CNBD1: variants seen among roughly 807,000 people sequenced by gnomAD.
CNBD1 encodes the protein cyclic nucleotide binding domain containing 1.
A neutral mutation model predicts 54.4 loss-of-function variants in CNBD1; 71 were observed. That is an observed-to-expected ratio of 1.30 (90% confidence interval 1.08 to 1.59). CNBD1 has a LOEUF of 1.59. Ranked by LOEUF, CNBD1 falls within the 40% of genes most tolerant of loss-of-function variation. The pLI is 0.00. For missense variants in CNBD1, 659 were observed against 518.0 expected (o/e 1.27, Z -2.64); for synonymous variants, 182 against 170.7 (o/e 1.07, Z -0.51).
intron 4 of CNBD1, among the ~76,000 whole-genome samples, chr8:87,049,609 C>A (rs1810271893): frequency 6.6e-6 from 1 of 152,140 alleles, no homozygotes; most frequent in South Asian, 2.1e-4. Context: ...TCTCTGAGAT[C>A]CTCCCTGGCT....
chr8:87,176,552 C>T (rs1367853), intron 4 of CNBD1, among the ~76,000 whole-genome samples: 2,724 of 149,404 alleles, frequency 0.018, 75 homozygotes, highest in African/African-American at 0.063. Flanking sequence ...GGCACAATCT[C>T]GGCTCACTGC....
chr8:86,976,784 C>T (rs1808351945), intron 4 of CNBD1, among the ~76,000 whole-genome samples: 1 of 151,734 alleles, frequency 6.6e-6, no homozygotes, highest in Non-Finnish European at 1.5e-5. Context: ...ATTTTATTTT[C>T]TGATGCTTTT....
At chr8:87,308,079 C>T (rs2130888275) in intron 8 of CNBD1, among the ~76,000 whole-genome samples, 1 of 152,180 alleles carries the variant, frequency 6.6e-6, no homozygotes, top group East Asian at 1.9e-4. Context: ...CAACAAGCGA[C>T]ATTATCTTTA....
intron 4 of CNBD1, among the ~76,000 whole-genome samples, chr8:87,094,280 A>C (rs1811274582): frequency 6.6e-6 from 1 of 152,086 alleles, no homozygotes; most frequent in African/African-American, 2.4e-5. Flanking sequence ...CTATTGGCAT[A>C]GCTTGGGCCC....
chr8:86,969,899 C>T (rs1268974542), intron 4 of CNBD1, among the ~76,000 whole-genome samples: 1 of 151,634 alleles, frequency 6.6e-6, no homozygotes, highest in Non-Finnish European at 1.5e-5. Flanking sequence ...TCATTTTTAA[C>T]TTAGATTTAC....
intron 4 of CNBD1, among the ~76,000 whole-genome samples, chr8:87,001,655 T>C (rs1586190884): frequency 6.6e-6 from 1 of 152,166 alleles, no homozygotes; most frequent in East Asian, 1.9e-4. Context: ...ATCACTCATT[T>C]TTTCACTTTT....
intron 3 of CNBD1, among the ~76,000 whole-genome samples, chr8:86,928,063 G>C (rs1015868406): frequency 1.3e-5 from 2 of 152,092 alleles, no homozygotes; most frequent in Admixed American, 6.6e-5. Flanking sequence ...GTAATCCATA[G>C]ATGGGGAGGT....
chr8:87,013,611 C>T (rs1407549595), intron 4 of CNBD1, among the ~76,000 whole-genome samples: 6 of 143,530 alleles, frequency 4.2e-5, no homozygotes, highest in African/African-American at 7.7e-5. Flanking sequence ...GTTTTTTTTT[C>T]TTTGTTTTGT....
intron 4 of CNBD1, among the ~76,000 whole-genome samples, chr8:87,104,738 T>C (rs1456323777): frequency 6.6e-6 from 1 of 152,246 alleles, no homozygotes; most frequent in African/African-American, 2.4e-5. Flanking sequence ...TTTCTTTGTA[T>C]ATATTTATAT....
At chr8:86,964,847 A>G (rs1322704925) in intron 4 of CNBD1, among the ~76,000 whole-genome samples, 1 of 152,174 alleles carries the variant, frequency 6.6e-6, no homozygotes, top group Non-Finnish European at 1.5e-5. Context: ...GGCTGAATCA[A>G]TCCCACAACG....
intron 4 of CNBD1, among the ~76,000 whole-genome samples, chr8:87,065,889 A>G (rs887324734): frequency 2.0e-5 from 3 of 151,956 alleles, no homozygotes; most frequent in Non-Finnish European, 4.4e-5. Flanking sequence ...CTTAACCTAT[A>G]TGTGATACTT....
intron 6 of CNBD1, among the ~76,000 whole-genome samples, chr8:87,283,367 G>A (rs1278343079): frequency 1.3e-5 from 2 of 151,770 alleles, no homozygotes; most frequent in African/African-American, 4.8e-5. Flanking sequence ...CCTTTATAGG[G>A]TTTTATTCAT....
At chr8:87,077,517 C>T (rs1322771922) in intron 4 of CNBD1, among the ~76,000 whole-genome samples, 1 of 147,800 alleles carries the variant, frequency 6.8e-6, no homozygotes, top group Non-Finnish European at 1.5e-5. Context: ...CCCATTAACT[C>T]GTCATTTACA....
intron 2 of CNBD1, among the ~76,000 whole-genome samples, chr8:87,426,107 T>C (rs1462881198): frequency 2.0e-5 from 3 of 152,208 alleles, no homozygotes. Flanking sequence ...ACCCCTTTCT[T>C]TGACTAGGAA....
At chr8:87,007,983 TAACAAATTA>T (rs1458892959) in intron 4 of CNBD1, among the ~76,000 whole-genome samples, 3 of 152,190 alleles carry the variant, frequency 2.0e-5, no homozygotes, top group Non-Finnish European at 2.9e-5. Context: ...GAACTAGTCC[TAACAAATTA>T]ATATTTTTGT....
chr8:87,163,079 T>C lies in CNBD1; in HGVS notation c.432-42914T>C, dbSNP rs1812890372. Among the ~76,000 whole-genome samples, 1 of 152,082 alleles carries C rather than the reference T, an allele frequency of 6.6e-6. No homozygotes were observed. The highest frequency in any genetic ancestry group is 2.1e-4 in the South Asian group (1 of 4,834). The stretch of plus-strand genomic sequence containing the variant: ...GAGCAGCCTTCACCACATACCAAAG[T>C]ACACAGTCTTAGGTATTAATATTTT... On this transcript the variant is annotated intron_variant, in intron 4 of 10. Coordinates refer to ENST00000518476, the MANE Select transcript of CNBD1 (RefSeq NM_173538.3). The surrounding 1 kb of genome is among the most constrained non-coding windows in gnomAD (Gnocchi z 4.5).
chr8:87,331,327 C>T (rs1456283927), intron 8 of CNBD1, among the ~76,000 whole-genome samples: 1 of 152,122 alleles, frequency 6.6e-6, no homozygotes, highest in Non-Finnish European at 1.5e-5. Flanking sequence ...GTTTTCTGTA[C>T]TTGTGTGAGT....
At chr8:87,314,925 G>A (rs1398486267) in intron 8 of CNBD1, among the ~76,000 whole-genome samples, 1 of 152,024 alleles carries the variant, frequency 6.6e-6, no homozygotes, top group Non-Finnish European at 1.5e-5. Flanking sequence ...ATGCTTTGCT[G>A]CAAAGATGTC....
chr8:87,422,473 G>A (rs1164572877), intron 2 of CNBD1, among the ~76,000 whole-genome samples: 2 of 151,464 alleles, frequency 1.3e-5, no homozygotes, highest in Non-Finnish European at 2.9e-5. Flanking sequence ...AAGGGATTCA[G>A]TTTCAGCTTT....
Sources: allele counts gnomAD v4.1 joint callset (sites outside exome capture counted in the v4.1 genomes callset), GRCh38; gene constraint gnomAD v4.1.1; non-coding constraint Gnocchi (gnomAD v3.1); transcripts MANE v1.5; gene names NCBI Gene and HGNC (gene_info 2026-07-23, HGNC 2026-07-21).